The following PTPRG variants were observed in gnomAD, a reference collection of about 807,000 sequenced individuals.
The protein encoded by PTPRG is protein tyrosine phosphatase receptor type G, also known as receptor-type tyrosine-protein phosphatase gamma.
PTPRG carries 102 observed loss-of-function variants against 165.3 expected under a neutral mutation model. That is an observed-to-expected ratio of 0.62 (90% CI 0.53 to 0.73). The LOEUF (loss-of-function observed/expected upper bound fraction) is 0.73, where lower values mean the gene tolerates loss of function less well. PTPRG is among the 30% of genes least tolerant of loss of function. The pLI is 0.00. For missense variants in PTPRG, 1,866 were observed against 1,861.4 expected (o/e 1.00, Z -0.05); for synonymous variants, 675 against 669.5 (o/e 1.01, Z -0.13).
intron 1 of PTPRG, among the ~76,000 whole-genome samples, chr3:61,635,586 G>C (rs1187545283): frequency 6.6e-6 from 1 of 151,816 alleles, no homozygotes; most frequent in Non-Finnish European, 1.5e-5. Flanking sequence ...TCAAACTCTT[G>C]AGCTCAAGCT....
At chr3:62,133,805 T>A (rs1703605279) in intron 6 of PTPRG, among the ~76,000 whole-genome samples, 1 of 152,066 alleles carries the variant, frequency 6.6e-6, no homozygotes, top group Non-Finnish European at 1.5e-5. Flanking sequence ...GCCAACATGG[T>A]GAGACTCTGT....
At chr3:61,937,635 G>T (rs1441307863) in intron 2 of PTPRG, among the ~76,000 whole-genome samples, 2 of 152,116 alleles carry the variant, frequency 1.3e-5, no homozygotes, top group African/African-American at 4.8e-5. Context: ...TTTCTTTGAG[G>T]CCTGGAAACT....
intron 2 of PTPRG, among the ~76,000 whole-genome samples, chr3:61,986,967 C>G (rs78645599): frequency 0.011 from 1,688 of 151,724 alleles, 22 homozygotes; most frequent in African/African-American, 0.039. Context: ...TTGTGAAAAA[C>G]AAAGCATTCA....
intron 2 of PTPRG, among the ~76,000 whole-genome samples, chr3:61,982,375 A>T (rs962280425): frequency 6.6e-6 from 1 of 152,178 alleles, no homozygotes; most frequent in East Asian, 1.9e-4. Flanking sequence ...AATGATCCCA[A>T]TTATTGGTAG....
At chr3:62,180,600 A>G (rs144438295) in intron 8 of PTPRG, among the ~76,000 whole-genome samples, 11 of 152,274 alleles carry the variant, frequency 7.2e-5, no homozygotes, top group African/African-American at 2.6e-4. Context: ...AAGGGAGAGA[A>G]TGTACCCCAG....
At chr3:62,073,224 A>G (rs1190065267) in intron 4 of PTPRG, among the ~76,000 whole-genome samples, 1 of 152,224 alleles carries the variant, frequency 6.6e-6, no homozygotes, top group Non-Finnish European at 1.5e-5. Flanking sequence ...AGTAATGAAT[A>G]TAGAAGGAAT....
chr3:61,702,276 G>A (rs1234075737), intron 1 of PTPRG, among the ~76,000 whole-genome samples: 1 of 151,920 alleles, frequency 6.6e-6, no homozygotes, highest in East Asian at 1.9e-4. Context: ...ACCGCGTCTG[G>A]CCATGAATAG....
chr3:61,581,844 A>T (rs1241882120), intron 1 of PTPRG, among the ~76,000 whole-genome samples: 1 of 152,052 alleles, frequency 6.6e-6, no homozygotes, highest in Non-Finnish European at 1.5e-5. Flanking sequence ...TCCTGACCTT[A>T]AGTGATCTGC....
Position 62,095,709 on chromosome 3 carries a change from G to T in PTPRG, c.615+17451G>T, listed in dbSNP as rs187398908. ...TGTGTGAGGTCTAGTGAGGGAAAAAGACATTGATTGCTTTGAGAGCATGTG... is the reference window on the plus strand; with the variant it reads ...TGTGTGAGGTCTAGTGAGGGAAAAATACATTGATTGCTTTGAGAGCATGTG... On this transcript the variant is annotated intron_variant, in intron 5 of 29. Coordinates refer to ENST00000474889, the MANE Select transcript of PTPRG (RefSeq NM_002841.4). Among the ~76,000 whole-genome samples, 6 of 152,274 alleles carry T rather than the reference G, an allele frequency of 3.9e-5. No individual in the cohort carries two copies. The East Asian group carries it at 1.2e-3, about 29-fold the overall frequency.
At chr3:61,835,956 C>G (rs972822674) in intron 2 of PTPRG, among the ~76,000 whole-genome samples, 1 of 151,704 alleles carries the variant, frequency 6.6e-6, no homozygotes, top group African/African-American at 2.4e-5. Flanking sequence ...AGGAGAATTG[C>G]TTGAAGCTGG....
chr3:61,854,988 T>C (rs1042610393), intron 2 of PTPRG, among the ~76,000 whole-genome samples: 4 of 152,180 alleles, frequency 2.6e-5, no homozygotes, highest in Non-Finnish European at 5.9e-5. Flanking sequence ...ATGCCGCTGG[T>C]TTATAGTGGT....
intron 1 of PTPRG, among the ~76,000 whole-genome samples, chr3:61,662,270 C>T (rs113446333): frequency 1.3e-5 from 2 of 152,154 alleles, no homozygotes; most frequent in African/African-American, 4.8e-5. Context: ...GACAATATCT[C>T]TAAAGAGACT....
At chr3:61,801,334 A>G (rs1156918970) in intron 2 of PTPRG, among the ~76,000 whole-genome samples, 1 of 148,644 alleles carries the variant, frequency 6.7e-6, no homozygotes, top group Admixed American at 6.7e-5. Flanking sequence ...TTTTTGAGAC[A>G]GTCTTGCTCT....
intron 14 of PTPRG, among the ~76,000 whole-genome samples, chr3:62,238,238 C>A (rs1218311246): frequency 6.6e-6 from 1 of 152,090 alleles, no homozygotes; most frequent in Non-Finnish European, 1.5e-5. Flanking sequence ...CCACTGAGTT[C>A]GAACTGAGGA....
At chr3:62,242,476 T>C (rs1701181784) in intron 14 of PTPRG, among the ~76,000 whole-genome samples, 2 of 152,186 alleles carry the variant, frequency 1.3e-5, no homozygotes, top group South Asian at 4.1e-4. Flanking sequence ...TGGAAACTGC[T>C]TAGAGCTACT....
intron 2 of PTPRG, among the ~76,000 whole-genome samples, chr3:61,890,453 T>G (rs1553687108): frequency 6.7e-6 from 1 of 148,956 alleles, no homozygotes; most frequent in Non-Finnish European, 1.5e-5. Flanking sequence ...TCAGGTTTTT[T>G]CAATTTTCCT....
intron 4 of PTPRG, among the ~76,000 whole-genome samples, chr3:62,028,398 A>G (rs897248913): frequency 4.6e-5 from 7 of 152,236 alleles, no homozygotes; most frequent in African/African-American, 1.7e-4. Flanking sequence ...ACTGAAATGC[A>G]TGACCAAACA....
At chr3:61,562,828 T>A (rs72888649) in intron 1 of PTPRG, among the ~76,000 whole-genome samples, 1,630 of 152,200 alleles carry the variant, frequency 0.011, 34 homozygotes, top group African/African-American at 0.035. Context: ...GGTGGGGGTT[T>A]GCTTTGCTGT....
At chr3:61,886,715 A>G (rs2038047917) in intron 2 of PTPRG, among the ~76,000 whole-genome samples, 1 of 152,178 alleles carries the variant, frequency 6.6e-6, no homozygotes, top group South Asian at 2.1e-4. Flanking sequence ...GCCCCAAACT[A>G]TTTTGAACTA....
Sources: allele counts gnomAD v4.1 joint callset (sites outside exome capture counted in the v4.1 genomes callset), GRCh38; gene constraint gnomAD v4.1.1; transcripts MANE v1.5; gene names NCBI Gene and HGNC (gene_info 2026-07-23, HGNC 2026-07-21).